KSR2: variants seen among roughly 807,000 people sequenced by gnomAD.
KSR2 encodes the protein kinase suppressor of ras 2.
In KSR2, 25 loss-of-function variants were observed where a neutral mutation model predicts 107.8. That is an observed-to-expected ratio of 0.23 (90% CI 0.17 to 0.32). The LOEUF is 0.32. KSR2 is among the 10% of genes least tolerant of loss of function. The pLI is 1.00. For missense variants in KSR2, 887 were observed against 1,268.9 expected (o/e 0.70, Z 4.57); for synonymous variants, 480 against 507.0 (o/e 0.95, Z 0.71).
chr12:117,945,221 T>C (rs376734268), intron 1 of KSR2, among the ~76,000 whole-genome samples: 46 of 152,130 alleles, frequency 3.0e-4, no homozygotes, highest in African/African-American at 1.0e-3. Flanking sequence ...CTGGATATAA[T>C]TGACATTTAT....
intron 1 of KSR2, among the ~76,000 whole-genome samples, chr12:117,935,947 C>T (rs752547129): frequency 6.6e-6 from 1 of 152,154 alleles, no homozygotes; most frequent in Non-Finnish European, 1.5e-5. Flanking sequence ...GCTCAAATGT[C>T]ACCTTTTTCA....
chr12:117,795,140 A>G lies in KSR2; in HGVS notation c.473-33616T>C, dbSNP rs866603960. Among the ~76,000 whole-genome samples, 2 of 152,188 alleles carry G rather than the reference A, an allele frequency of 1.3e-5. 1 individual carries two copies. The highest frequency in any genetic ancestry group is 4.8e-5 in the African/African-American group (2 of 41,460). On this transcript the variant is annotated intron_variant, in intron 3 of 19. Coordinates refer to ENST00000339824, the MANE Select transcript of KSR2 (RefSeq NM_173598.6). ...CTTGCACGGCAAAGGACACCGACTC[A>G]TCATTCTTCCAGCCTCTGGAAACGG...
intron 4 of KSR2, among the ~76,000 whole-genome samples, chr12:117,678,671 G>A (rs1458760283): frequency 6.6e-6 from 1 of 152,166 alleles, no homozygotes; most frequent in Non-Finnish European, 1.5e-5. Context: ...TCTGTTTGGG[G>A]GTAATGCAGC....
intron 4 of KSR2, among the ~76,000 whole-genome samples, chr12:117,729,232 C>T (rs371905982): frequency 2.0e-4 from 31 of 151,630 alleles, no homozygotes; most frequent in South Asian, 1.7e-3. Flanking sequence ...GGTGCTTCTG[C>T]GTGGAATTCC....
chr12:117,913,296 G>T (rs1216689669), intron 1 of KSR2, among the ~76,000 whole-genome samples: 2 of 152,152 alleles, frequency 1.3e-5, no homozygotes, highest in Non-Finnish European at 2.9e-5. Context: ...CCCACTGCAA[G>T]GAAGCAGTCA....
intron 16 of KSR2, among the ~76,000 whole-genome samples, chr12:117,482,727 T>C (rs978939492): frequency 4.6e-5 from 7 of 152,122 alleles, no homozygotes; most frequent in African/African-American, 1.7e-4. Context: ...GAAAACTGAG[T>C]CTAAAGGAAG....
chr12:117,694,649 G>C (rs955168934), intron 4 of KSR2, among the ~76,000 whole-genome samples: 4 of 152,092 alleles, frequency 2.6e-5, no homozygotes, highest in Non-Finnish European at 5.9e-5. Flanking sequence ...ATTCACAATA[G>C]CCAACAAATG....
intron 9 of KSR2, among the ~76,000 whole-genome samples, chr12:117,540,606 T>A (rs79859444): frequency 0.014 from 2,060 of 152,166 alleles, 49 homozygotes; most frequent in African/African-American, 0.047. Context: ...ATATCCTAAA[T>A]CCAATGACAA....
At chr12:117,656,980 G>GAATATATATA (rs1884194868) in intron 5 of KSR2, among the ~76,000 whole-genome samples, 1 of 50,554 alleles carries the variant, frequency 2.0e-5, no homozygotes, top group Non-Finnish European at 3.7e-5. Flanking sequence ...ATATATAATA[G>GAATATATATA]GATATATATA....
intron 1 of KSR2, among the ~76,000 whole-genome samples, chr12:117,947,850 A>G (rs1896245718): frequency 6.6e-6 from 1 of 152,120 alleles, no homozygotes; most frequent in African/African-American, 2.4e-5. Flanking sequence ...AAACTACAAA[A>G]TGCTGATAAA....
intron 8 of KSR2, 96 bp downstream of exon 8, chr12:117,558,409 AG>A (rs1877854983): frequency 2.5e-6 from 2 of 810,194 alleles, no homozygotes; most frequent in Admixed American, 4.0e-5. Context: ...GGGGATCAAG[AG>A]GTATTCAGAA....
chr12:117,836,601 G>A (rs1046733396), intron 3 of KSR2, among the ~76,000 whole-genome samples: 1 of 152,208 alleles, frequency 6.6e-6, no homozygotes, highest in Admixed American at 6.5e-5. Context: ...CCGTGGCCCA[G>A]GCAGGACTCA....
rs531735326 is a variant in KSR2 at position 117,621,980 on chromosome 12, C to A, written c.1172-39621G>T. On this transcript the variant is annotated intron_variant, in intron 5 of 19. Coordinates refer to ENST00000339824, the MANE Select transcript of KSR2 (RefSeq NM_173598.6). ...ACATTCCATGGGCACCTTATGGATG[C>A]ATTTGCACATCCTATTACATTAACT... Among the ~76,000 whole-genome samples the A allele has an allele frequency of 4.0e-4, 61 of 152,206 alleles. No individual in the cohort carries two copies. The South Asian group carries it at 0.012, about 29-fold the overall frequency.
At chr12:117,688,063 T>C (rs1885649081) in intron 4 of KSR2, among the ~76,000 whole-genome samples, 1 of 144,626 alleles carries the variant, frequency 6.9e-6, no homozygotes, top group African/African-American at 2.5e-5. Flanking sequence ...TCTGAAACCT[T>C]TAAAGCTGAA....
chr12:117,854,123 GC>G (rs1893014759), intron 3 of KSR2, among the ~76,000 whole-genome samples: 1 of 152,160 alleles, frequency 6.6e-6, no homozygotes, highest in African/African-American at 2.4e-5. Context: ...ACCAGCCTCA[GC>G]CTCCCGAGTA....
At chr12:117,798,523 C>T (rs1429188085) in intron 3 of KSR2, among the ~76,000 whole-genome samples, 1 of 152,116 alleles carries the variant, frequency 6.6e-6, no homozygotes, top group Admixed American at 6.5e-5. Context: ...ATCCCAGCTA[C>T]TCAGGAGGCT....
intron 2 of KSR2, among the ~76,000 whole-genome samples, chr12:117,858,102 G>T (rs1288299337): frequency 6.6e-6 from 1 of 152,142 alleles, no homozygotes; most frequent in Admixed American, 6.5e-5. Context: ...TTTTTAGACA[G>T]ACTCTTTCGG....
At chr12:117,791,716 A>C (rs1005870564) in intron 3 of KSR2, among the ~76,000 whole-genome samples, 1 of 152,148 alleles carries the variant, frequency 6.6e-6, no homozygotes, top group African/African-American at 2.4e-5. Flanking sequence ...TGAATGGGAC[A>C]TGGTGATGAG....
chr12:117,539,968 G>C lies in KSR2; in HGVS notation c.1519-81C>G, dbSNP rs910139794. On this transcript the variant is annotated intron_variant, in intron 9 of 19. Coordinates refer to ENST00000339824, the MANE Select transcript of KSR2 (RefSeq NM_173598.6). Reference sequence around the variant, plus strand: ...CAGAAAGAGTGGGCTGAGCAGGAGAGGCCCCCACCCCAGCCCCTGCAACAA... The same window carrying C: ...CAGAAAGAGTGGGCTGAGCAGGAGACGCCCCCACCCCAGCCCCTGCAACAA... The C allele has an allele frequency of 2.5e-6, 3 of 1,187,728 alleles. No individual in the cohort carries two copies. The African/African-American group carries it at 4.7e-5, about 19-fold the overall frequency. 73.6% of individuals were successfully genotyped at this position (1,187,728 alleles called of 1,614,324 possible).
Sources: allele counts gnomAD v4.1 joint callset (sites outside exome capture counted in the v4.1 genomes callset), GRCh38; gene constraint gnomAD v4.1.1; transcripts MANE v1.5; gene names NCBI Gene and HGNC (gene_info 2026-07-23, HGNC 2026-07-21).